The following OSBPL8 variants were observed in gnomAD, a reference collection of about 807,000 sequenced individuals.
OSBPL8 encodes the protein oxysterol-binding protein-related protein 8.
Under a neutral mutation model 125.5 loss-of-function variants are expected in OSBPL8, and 59 were observed. That is an observed-to-expected ratio of 0.47 (90% CI 0.38 to 0.58). OSBPL8 has a LOEUF of 0.58. Among genes scored for constraint, OSBPL8 ranks in the 20% least tolerant of loss-of-function variants. OSBPL8 has a pLI of 0.00. For missense variants in OSBPL8, 758 were observed against 1,047.8 expected (o/e 0.72, Z 3.82); for synonymous variants, 330 against 338.9 (o/e 0.97, Z 0.29).
At position 76,390,669 on chromosome 12, in the gene OSBPL8, G is replaced by A. The variant is rs561373689; in HGVS notation, c.930-12C>T. On this transcript the variant is annotated splice_polypyrimidine_tract_variant and intron_variant, in intron 10 of 23. Coordinates refer to ENST00000261183, the MANE Select transcript of OSBPL8 (RefSeq NM_020841.5). ...CACTATCATTTAACCTTAAGGGAAAGAATTTTTAGGAGGAAGAATCAAGGA... is the reference window on the plus strand; with the variant it reads ...CACTATCATTTAACCTTAAGGGAAAAAATTTTTAGGAGGAAGAATCAAGGA... 1 of 1,488,474 alleles carries A rather than the reference G, an allele frequency of 6.7e-7. No homozygotes were observed. Among genetic ancestry groups the A allele is most frequent in the South Asian group, 1.1e-5 (1 of 87,434 alleles). The allele number at this position is 1,488,474 out of a possible 1,614,324, so 92.2% of individuals were successfully genotyped here. A position where few individuals can be genotyped will look rare whatever the true frequency, so the allele number is the denominator to read the frequency against.
At chr12:76,454,562 A>G (rs897198170) in intron 3 of OSBPL8, among the ~76,000 whole-genome samples, 2 of 151,370 alleles carry the variant, frequency 1.3e-5, no homozygotes, top group Non-Finnish European at 3.0e-5. Context: ...TGGGCGTGGT[A>G]GCTCACACTG....
At chr12:76,504,947 C>A (rs948400455) in intron 1 of OSBPL8, among the ~76,000 whole-genome samples, 2 of 152,142 alleles carry the variant, frequency 1.3e-5, no homozygotes, top group Admixed American at 6.5e-5. Context: ...CTCACCCAGG[C>A]GTGGACTCAG....
intron 2 of OSBPL8, among the ~76,000 whole-genome samples, chr12:76,472,055 A>C (rs1876200358): frequency 6.6e-6 from 1 of 152,244 alleles, no homozygotes; most frequent in South Asian, 2.1e-4. Flanking sequence ...AATTAACGCT[A>C]AACACATAAT....
At chr12:76,519,159 G>A (rs1484741177) in intron 1 of OSBPL8, among the ~76,000 whole-genome samples, 1 of 152,186 alleles carries the variant, frequency 6.6e-6, no homozygotes, top group Admixed American at 6.5e-5. Context: ...GCTGCCAGAA[G>A]CAGCCAAGCC....
intron 1 of OSBPL8, among the ~76,000 whole-genome samples, chr12:76,508,973 T>C (rs1880707071): frequency 6.6e-6 from 1 of 152,220 alleles, no homozygotes; most frequent in South Asian, 2.1e-4. Context: ...TTTATTCCTT[T>C]ACTTTCTTAA....
chr12:76,515,828 T>G (rs1881479561), intron 1 of OSBPL8, among the ~76,000 whole-genome samples: 1 of 152,092 alleles, frequency 6.6e-6, no homozygotes, highest in Non-Finnish European at 1.5e-5. Flanking sequence ...AGCTATTAAC[T>G]CACCCCTTCC....
At chr12:76,550,912 C>CA (rs1404978447) in intron 1 of OSBPL8, among the ~76,000 whole-genome samples, 3 of 151,502 alleles carry the variant, frequency 2.0e-5, no homozygotes, top group Non-Finnish European at 4.4e-5. Flanking sequence ...CCTGTCTGTA[C>CA]AAAAAAAATA....
chr12:76,396,036 T>TTGTATA (rs1953783523), intron 8 of OSBPL8, among the ~76,000 whole-genome samples: 1 of 150,654 alleles, frequency 6.6e-6, no homozygotes, highest in South Asian at 2.1e-4. Flanking sequence ...TATAGTATTT[T>TTGTATA]TGTATATGTA....
intron 3 of OSBPL8, among the ~76,000 whole-genome samples, chr12:76,458,791 A>C (rs1269621920): frequency 1.3e-5 from 2 of 152,144 alleles, no homozygotes; most frequent in African/African-American, 4.8e-5. Flanking sequence ...GATAAACAGC[A>C]ACTGATCTAG....
chr12:76,392,558 A>G (rs916804082), intron 10 of OSBPL8, 23 bp downstream of exon 10: 7 of 1,586,072 alleles, frequency 4.4e-6, no homozygotes, highest in African/African-American at 1.3e-5. Context: ...AACATTACCA[A>G]CTCAGCGGCA....
At position 76,380,958 on chromosome 12, in the gene OSBPL8, T is replaced by C. The variant is rs140103285; in HGVS notation, c.1631-2408A>G. Among the ~76,000 whole-genome samples, 768 of 152,298 alleles carry C rather than the reference T, an allele frequency of 5.0e-3. 7 individuals are homozygous for C. Among genetic ancestry groups the C allele is most frequent in the African/African-American group, 0.018 (742 of 41,572 alleles). The stretch of plus-strand genomic sequence containing the variant: ...ATAGGTGTTGAATTCTGTCAAATCA[T>C]TTTTCCATATCTATCGAAATCACAC... On this transcript the variant is annotated intron_variant, in intron 15 of 23. Coordinates refer to ENST00000261183, the MANE Select transcript of OSBPL8 (RefSeq NM_020841.5).
chr12:76,362,066 A>T (rs1952227451), intron 21 of OSBPL8, among the ~76,000 whole-genome samples: 1 of 152,224 alleles, frequency 6.6e-6, no homozygotes, highest in Admixed American at 6.5e-5. Flanking sequence ...AAATTTCTAT[A>T]ATATGTAATA....
chr12:76,397,450 A>G (rs1281017840), intron 8 of OSBPL8, among the ~76,000 whole-genome samples: 1 of 152,150 alleles, frequency 6.6e-6, no homozygotes, highest in Non-Finnish European at 1.5e-5. Flanking sequence ...AAAAAACAGT[A>G]CAAATTGAAT....
At chr12:76,383,261 A>C (rs1277761628) in intron 15 of OSBPL8, among the ~76,000 whole-genome samples, 1 of 152,168 alleles carries the variant, frequency 6.6e-6, no homozygotes, top group African/African-American at 2.4e-5. Flanking sequence ...CAGAAAAGCC[A>C]TTTATACTAT....
intron 1 of OSBPL8, among the ~76,000 whole-genome samples, chr12:76,519,229 CG>C (rs765024426): frequency 6.6e-6 from 1 of 152,154 alleles, no homozygotes; most frequent in Non-Finnish European, 1.5e-5. Context: ...CTCTTAAGTT[CG>C]ACCTTCCACA....
chr12:76,471,213 G>C (rs1219705074), intron 2 of OSBPL8, among the ~76,000 whole-genome samples: 1 of 152,084 alleles, frequency 6.6e-6, no homozygotes, highest in African/African-American at 2.4e-5. Context: ...ATTATAGAAA[G>C]GATTAAATGA....
Position 76,388,317 on chromosome 12 carries a change from T to C in OSBPL8, c.1352+1328A>G, listed in dbSNP as rs79599100. Among the ~76,000 whole-genome samples the C allele has an allele frequency of 1.6e-3, 247 of 152,332 alleles. 1 individual carries two copies. Among genetic ancestry groups the C allele is most frequent in the African/African-American group, 5.8e-3 (242 of 41,572 alleles). The stretch of plus-strand genomic sequence containing the variant: ...ATGATGAATGCATCTATACTTTTGG[T>C]AAATACTGCCAGATTACCTTCAGGG... On this transcript the variant is annotated intron_variant, in intron 12 of 23. Coordinates refer to ENST00000261183, the MANE Select transcript of OSBPL8 (RefSeq NM_020841.5).
At chr12:76,557,284 T>C (rs1951135196) in intron 1 of OSBPL8, among the ~76,000 whole-genome samples, 1 of 152,152 alleles carries the variant, frequency 6.6e-6, no homozygotes, top group Non-Finnish European at 1.5e-5. Context: ...CAAGTTGAAA[T>C]GTACTAACAC....
At chr12:76,499,680 G>A (rs141935545) in intron 1 of OSBPL8, among the ~76,000 whole-genome samples, 5 of 152,046 alleles carry the variant, frequency 3.3e-5, no homozygotes, top group African/African-American at 9.6e-5. Context: ...TTGAAACCTC[G>A]TCTCTACTAA....
Sources: allele counts gnomAD v4.1 joint callset (sites outside exome capture counted in the v4.1 genomes callset), GRCh38; gene constraint gnomAD v4.1.1; transcripts MANE v1.5; gene names NCBI Gene and HGNC (gene_info 2026-07-23, HGNC 2026-07-21).